Variants in DNMT3L observed in about 807,000 individuals in gnomAD.
DNMT3L encodes DNA (cytosine-5)-methyltransferase 3-like.
A neutral mutation model predicts 36.2 loss-of-function variants in DNMT3L; 33 were observed. That is an observed-to-expected ratio of 0.91 (90% CI 0.69 to 1.22). The LOEUF (loss-of-function observed/expected upper bound fraction) is 1.22. Ranked by LOEUF, DNMT3L falls within the 50% of genes most tolerant of loss-of-function variation. The pLI, the probability that DNMT3L is intolerant of heterozygous loss-of-function variation, is 0.00. For synonymous variants in DNMT3L, 117 were observed against 121.7 expected, an observed-to-expected ratio of 0.96 and a Z score of 0.26; for missense variants, 310 against 303.1, an observed-to-expected ratio of 1.02 and a Z score of -0.17.
chr21:44,259,127 T>C (rs1430008873), intron 5 of DNMT3L, among the ~76,000 whole-genome samples: 1 of 152,046 alleles, frequency 6.6e-6, no homozygotes, highest in Non-Finnish European at 1.5e-5. Flanking sequence ...GAGTAACGAC[T>C]GAGGGGTGAG....
At chr21:44,257,695 AATAAAT>A (rs770892433) in intron 6 of DNMT3L, among the ~76,000 whole-genome samples, 1,218 of 87,432 alleles carry the variant, frequency 0.014, 35 homozygotes, top group African/African-American at 0.031. Flanking sequence ...AAAAAAAAAA[AATAAAT>A]AAATAAATAA....
At chr21:44,259,942 T>C (rs1489661918) in intron 3 of DNMT3L, among the ~76,000 whole-genome samples, 2 of 150,036 alleles carry the variant, frequency 1.3e-5, no homozygotes, top group East Asian at 3.9e-4. Flanking sequence ...TCCAGCACTT[T>C]AGGAGGCTGA....
At chr21:44,259,742 T>C (rs773610298) in intron 3 of DNMT3L, 31 bp from the exon 4 acceptor site, 2 of 1,589,048 alleles carry the variant, frequency 1.3e-6, no homozygotes, top group Admixed American at 3.5e-5. Flanking sequence ...ACACTGTGTT[T>C]TCCCAGTGCT....
intron 7 of DNMT3L, 65 bp downstream of exon 7, chr21:44,256,002 C>G: frequency 6.4e-7 from 1 of 1,570,954 alleles, no homozygotes; most frequent in South Asian, 1.1e-5. Context: ...GGGGGGTGGC[C>G]TGAGGGGCAG....
In DNMT3L at chr21:44,259,655, C is replaced by G; in HGVS notation, c.208G>C (p.Gly70Arg). The change falls in exon 4 of 12, where the codon GGA becomes CGA. Residue 70 changes from glycine to arginine, a missense_variant. Physicochemically the swap from Gly to Arg is moderately radical, Grantham distance 125 (BLOSUM62 -2). Transcript: ENST00000628202. ...QVHTQHPLFE[G>R]GICAPCKDKF... ...ACCTTACATGGGGCGCAGATCCCTC[C>G]CTCAAACAGAGGGTGCTGTGTGTGA... 6 of 1,613,178 alleles carry G rather than the reference C, an allele frequency of 3.7e-6. No homozygotes were observed. The highest frequency in any genetic ancestry group is 5.1e-6 in the Non-Finnish European group (6 of 1,179,804).
At position 44,261,213 on chromosome 21, in the gene DNMT3L, T is replaced by A; in HGVS notation, c.47A>T (p.Asp16Val). ...ALDPEAEPSM[D>V]VILVGSSELS... is the part of the protein sequence containing the mutation. ...CTCACTGGATCCCACCAAAATCACGTCCATGCTGGGCTCGGCCTCTGGGTC... is the reference window on the plus strand; with the variant it reads ...CTCACTGGATCCCACCAAAATCACGACCATGCTGGGCTCGGCCTCTGGGTC... Residue 16 changes from aspartate to valine, a missense_variant, in exon 2 of 12, where the codon GAC becomes GTC. Asp to Val is a radical substitution (Grantham distance 152). Coordinates refer to ENST00000628202, the MANE Select transcript of DNMT3L (RefSeq NM_175867.3). The A allele has an allele frequency of 6.2e-7, 1 of 1,612,650 alleles. No homozygotes were observed. The highest frequency in any genetic ancestry group is 2.2e-5 in the East Asian group (1 of 44,880).
rs150049925 is a variant in DNMT3L, at chr21:44,261,254, C to T, written c.6G>A (p.Ala2=). ...CCTCTGGGTCCAGGGCTGGGATGGC[C>T]GCCATGGGGATGCTGTGTCAGGACA... M[A]AIPALDPEAE... The change falls in exon 2 of 12, where the codon GCG becomes GCA. Residue 2 remains alanine, a synonymous_variant. Coordinates refer to ENST00000628202, the MANE Select transcript of DNMT3L (RefSeq NM_175867.3). 9.3e-6 allele frequency: 15 copies of T among 1,612,420 alleles called. No individual in the cohort carries two copies. In the East Asian group the frequency reaches 1.8e-4, roughly 19 times the overall value.
At chr21:44,255,478 C>G (rs78434076) in intron 7 of DNMT3L, among the ~76,000 whole-genome samples, 5,794 of 147,718 alleles carry the variant, frequency 0.039, 273 homozygotes, top group East Asian at 0.27. Context: ...CGAGATCAAG[C>G]CTGGGCAACA....
chr21:44,257,709 T>G (rs933879709), intron 6 of DNMT3L, among the ~76,000 whole-genome samples: 12 of 132,276 alleles, frequency 9.1e-5, no homozygotes, highest in African/African-American at 3.2e-4. Flanking sequence ...AATAAATAAA[T>G]AAATAAATAA....
intron 8 of DNMT3L, among the ~76,000 whole-genome samples, chr21:44,254,400 G>A (rs928494605): frequency 1.3e-5 from 2 of 152,196 alleles, no homozygotes; most frequent in African/African-American, 2.4e-5. Flanking sequence ...TCAGCCCTCC[G>A]CTGCGGGGCA....
chr21:44,255,713 G>A (rs901898523), intron 7 of DNMT3L, among the ~76,000 whole-genome samples: 8 of 152,186 alleles, frequency 5.3e-5, no homozygotes, highest in South Asian at 2.1e-4. Context: ...CTGTGCAGGC[G>A]CTGCGGGATC....
intron 3 of DNMT3L, among the ~76,000 whole-genome samples, chr21:44,260,234 C>T (rs866551762): frequency 6.6e-6 from 1 of 151,902 alleles, no homozygotes; most frequent in African/African-American, 2.4e-5. Flanking sequence ...GAGAGAAAGT[C>T]GAGGAGTGGT....
chr21:44,254,694 A>G lies in DNMT3L; in HGVS notation c.616T>C (p.Leu206=). The G allele has an allele frequency of 6.2e-7, 1 of 1,613,876 alleles. No individual in the cohort carries two copies. Residue 206 remains leucine, a synonymous_variant, in exon 8 of 12, where the codon TTG becomes CTG. Coordinates refer to ENST00000628202, the MANE Select transcript of DNMT3L (RefSeq NM_175867.3). ...TCAGAACCACTTTCCAAAAAGCCCA[A>G]ACTCGTCAGCTCTGGATGGGGAGAG... ...FEDIKKELTS[L]GFLESGSDPG... is the part of the protein sequence containing the mutation.
chr21:44,255,305 G>C (rs1373510964), intron 7 of DNMT3L, among the ~76,000 whole-genome samples: 1 of 151,958 alleles, frequency 6.6e-6, no homozygotes, highest in African/African-American at 2.4e-5. Flanking sequence ...TGGATCACCT[G>C]AGGTCAGGAG....
intron 7 of DNMT3L, 22 bp downstream of exon 7, chr21:44,256,045 C>T (rs2040255664): frequency 6.2e-7 from 1 of 1,613,320 alleles, no homozygotes; most frequent in East Asian, 2.2e-5. Flanking sequence ...CCATGTGTGT[C>T]TTTGGGACAT....
intron 6 of DNMT3L, among the ~76,000 whole-genome samples, chr21:44,257,686 A>G (rs2040272777): frequency 2.1e-5 from 1 of 48,552 alleles, no homozygotes; most frequent in African/African-American, 1.4e-4. Flanking sequence ...GTCTCAAAAA[A>G]AAAAAAAAAA....
Position 44,260,832 on chromosome 21 carries a change from A to AATAAGATCTGGAAAGGAAG in DNMT3L, c.107-12_113dup (p.Ala39PhefsTer9), listed in dbSNP as rs767496460. The AATAAGATCTGGAAAGGAAG allele has an allele frequency of 4.5e-5, 73 of 1,613,182 alleles. No individual in the cohort carries two copies. Among genetic ancestry groups the AATAAGATCTGGAAAGGAAG allele is most frequent in the Non-Finnish European group, 6.0e-5 (71 of 1,179,926 alleles). On this transcript the variant is annotated frameshift_variant, in exon 3 of 12. Transcript: ENST00000628202. LOFTEE classifies it high-confidence loss of function. Reference sequence around the variant, plus strand: ...GCTGGTTAGCCTTGACTTCATATGCAATAAGATCTGGAAAGGAAGATAAGA... The same window carrying AATAAGATCTGGAAAGGAAG: ...GCTGGTTAGCCTTGACTTCATATGCAATAAGATCTGGAAAGGAAGATAAGATCTGGAAAGGAAGATAAGA...
chr21:44,256,419 A>ATTTT (rs937821792), intron 6 of DNMT3L, among the ~76,000 whole-genome samples: 1,590 of 103,724 alleles, frequency 0.015, 66 homozygotes, highest in African/African-American at 0.051. Flanking sequence ...GGGTTTGCTG[A>ATTTT]TTTTTTTTTT....
intron 8 of DNMT3L, among the ~76,000 whole-genome samples, chr21:44,253,964 C>T (rs1009476195): frequency 2.6e-5 from 4 of 152,164 alleles, no homozygotes; most frequent in Admixed American, 6.5e-5. Flanking sequence ...CTCCGAGTGC[C>T]GAAAAGGCAT....
Sources: gnomAD v4.1 joint callset for allele counts (sites outside exome capture counted in the v4.1 genomes callset) on GRCh38, gnomAD v4.1.1 for gene constraint, MANE v1.5 for transcripts, NCBI Gene and HGNC (gene_info 2026-07-23, HGNC 2026-07-21) for gene names.